GTF2F2: variants seen among roughly 807,000 people sequenced by gnomAD.
The protein encoded by GTF2F2 is ATP-dependent helicase GTF2F2.
A neutral mutation model predicts 42.2 loss-of-function variants in GTF2F2; 23 were observed. That is an observed-to-expected ratio of 0.55 (90% CI 0.39 to 0.77). The LOEUF (loss-of-function observed/expected upper bound fraction) is 0.77, where lower values mean the gene tolerates loss of function less well. Ranked by LOEUF, GTF2F2 falls within the 30% of genes least tolerant of loss-of-function variation. The pLI is 0.00. For synonymous variants in GTF2F2, 105 were observed against 100.8 expected (o/e 1.04, Z -0.25); for missense variants, 261 against 287.2 (o/e 0.91, Z 0.66).
At chr13:45,195,327 A>AT (rs1375172505) in intron 4 of GTF2F2, among the ~76,000 whole-genome samples, 2 of 152,036 alleles carry the variant, frequency 1.3e-5, no homozygotes, top group African/African-American at 2.4e-5. Flanking sequence ...TAATCACTTA[A>AT]TTTTTTTGCT....
At chr13:45,245,563 C>T (rs994650380) in intron 5 of GTF2F2, among the ~76,000 whole-genome samples, 25 of 151,612 alleles carry the variant, frequency 1.6e-4, no homozygotes, top group Non-Finnish European at 3.4e-4. Context: ...GTTTCCCATT[C>T]TTGAGATACT....
In GTF2F2 at chr13:45,148,331, T is replaced by C. The variant is rs146318580; in HGVS notation, c.141-1439T>C. ...TCCATTGCCCAAAGAATAAAGTCTG[T>C]ATTTTGTACTGTGATATTCAAGAGC... On this transcript the variant is annotated intron_variant, in intron 2 of 7. Transcript: ENST00000340473. Among the ~76,000 whole-genome samples the C allele has an allele frequency of 6.2e-3, 939 of 152,344 alleles. 12 individuals carry two copies. Among genetic ancestry groups the C allele is most frequent in the Middle Eastern group, 0.027 (8 of 294 alleles).
chr13:45,197,785 G>A (rs779291709), intron 4 of GTF2F2, among the ~76,000 whole-genome samples: 34 of 152,158 alleles, frequency 2.2e-4, no homozygotes, highest in Non-Finnish European at 3.7e-4. Flanking sequence ...TATAAAAATG[G>A]TGCTTCAGTA....
At chr13:45,153,164 C>G (rs1227202829) in intron 4 of GTF2F2, among the ~76,000 whole-genome samples, 1 of 151,744 alleles carries the variant, frequency 6.6e-6, no homozygotes. Context: ...TGCCCGCCAC[C>G]ATGCCCGGCT....
chr13:45,202,144 T>C (rs1201262778), intron 4 of GTF2F2, among the ~76,000 whole-genome samples: 1 of 152,158 alleles, frequency 6.6e-6, no homozygotes, highest in Non-Finnish European at 1.5e-5. Flanking sequence ...CCTAGCACTT[T>C]GGGAGGCTGA....
chr13:45,221,978 T>G (rs1251033129), intron 5 of GTF2F2, among the ~76,000 whole-genome samples: 2 of 152,080 alleles, frequency 1.3e-5, no homozygotes, highest in Non-Finnish European at 2.9e-5. Context: ...TCTCTCAGTT[T>G]ATATGGAACC....
chr13:45,197,520 A>AAG (rs1872964102), intron 4 of GTF2F2, among the ~76,000 whole-genome samples: 1 of 151,226 alleles, frequency 6.6e-6, no homozygotes, highest in Admixed American at 6.6e-5. Context: ...AAAAAAAAAA[A>AAG]AAAAAAGGCA....
rs1166133347 is a variant in GTF2F2 at position 45,254,120 on chromosome 13, AT to A, written c.486+1154del. Among the ~76,000 whole-genome samples, 3 of 151,862 alleles carry A rather than the reference AT, an allele frequency of 2.0e-5. No homozygotes were observed. In the East Asian group the frequency reaches 5.8e-4, roughly 29 times the overall value. ...AAGAGTGAGTACAGAACACCAAGAT[AT>A]TTTGAGAGAGTGAGAGAGAGAGAGA... is the stretch of plus-strand genomic sequence containing the variant. On this transcript the variant is annotated intron_variant, in intron 6 of 7. Coordinates refer to ENST00000340473, the MANE Select transcript of GTF2F2 (RefSeq NM_004128.3).
At chr13:45,131,786 G>A (rs1869361195) in intron 1 of GTF2F2, among the ~76,000 whole-genome samples, 1 of 150,704 alleles carries the variant, frequency 6.6e-6, no homozygotes, top group Admixed American at 6.7e-5. Flanking sequence ...CACACCTGTA[G>A]TTCAGCTACT....
chr13:45,177,128 A>G (rs1871919377), intron 4 of GTF2F2, among the ~76,000 whole-genome samples: 1 of 152,040 alleles, frequency 6.6e-6, no homozygotes. Flanking sequence ...TAGGGGTCAA[A>G]TTGTATTTTT....
intron 5 of GTF2F2, 151 bp from the exon 6 acceptor site, chr13:45,252,720 A>G (rs1593519477): frequency 1.9e-6 from 1 of 536,814 alleles, no homozygotes. Context: ...ACGTATATTC[A>G]GTGCATTTTT....
At chr13:45,125,316 T>C (rs145664562) in intron 1 of GTF2F2, among the ~76,000 whole-genome samples, 1 of 152,144 alleles carries the variant, frequency 6.6e-6, no homozygotes, top group East Asian at 1.9e-4. Flanking sequence ...TTTTTTTGTT[T>C]TTGTTTTTGT....
At chr13:45,167,867 A>C (rs1390872051) in intron 4 of GTF2F2, among the ~76,000 whole-genome samples, 2 of 152,108 alleles carry the variant, frequency 1.3e-5, no homozygotes, top group African/African-American at 2.4e-5. Context: ...GTTTCCCCCC[A>C]GTCTAAAAGA....
At chr13:45,172,583 A>T (rs1209467440) in intron 4 of GTF2F2, among the ~76,000 whole-genome samples, 2 of 152,088 alleles carry the variant, frequency 1.3e-5, no homozygotes, top group Admixed American at 6.5e-5. Flanking sequence ...TTATCATCTT[A>T]GCTCTTTGAT....
chr13:45,149,844 T>G, intron 3 of GTF2F2, 56 bp downstream of exon 3: 1 of 1,431,486 alleles, frequency 7.0e-7, no homozygotes, highest in Middle Eastern at 2.0e-4. Context: ...TTTTCATTAA[T>G]AATAGTGAAA....
At chr13:45,123,507 T>A (rs560084105) in intron 1 of GTF2F2, 55 of 152,262 alleles carry the variant, frequency 3.6e-4, no homozygotes, top group African/African-American at 1.3e-3. Flanking sequence ...TGTACGCTTG[T>A]AGTCCCAGCT....
At chr13:45,122,573 G>A (rs1273751513) in intron 1 of GTF2F2, among the ~76,000 whole-genome samples, 1 of 152,146 alleles carries the variant, frequency 6.6e-6, no homozygotes, top group Non-Finnish European at 1.5e-5. Flanking sequence ...GACGGAGGTT[G>A]CAGTGAGCCG....
intron 5 of GTF2F2, among the ~76,000 whole-genome samples, chr13:45,240,002 T>A (rs1875196804): frequency 6.6e-6 from 1 of 152,050 alleles, no homozygotes; most frequent in African/African-American, 2.4e-5. Flanking sequence ...TTCAACTCAG[T>A]ATTAAGTCTT....
At chr13:45,264,880 A>G (rs1035922486) in intron 6 of GTF2F2, among the ~76,000 whole-genome samples, 1 of 152,128 alleles carries the variant, frequency 6.6e-6, no homozygotes, top group Non-Finnish European at 1.5e-5. Flanking sequence ...TAAACTTCCT[A>G]GCTTCTCCAA....
Sources: gnomAD v4.1 joint callset for allele counts (sites outside exome capture counted in the v4.1 genomes callset) on GRCh38, gnomAD v4.1.1 for gene constraint, MANE v1.5 for transcripts, NCBI Gene and HGNC (gene_info 2026-07-23, HGNC 2026-07-21) for gene names.